BMP5: variants seen among roughly 807,000 people sequenced by gnomAD.
BMP5 encodes the protein bone morphogenetic protein 5.
A neutral mutation model predicts 46.6 loss-of-function variants in BMP5; 23 were observed. The observed-to-expected ratio is 0.49, with a 90% CI of 0.35 to 0.70. BMP5 has a LOEUF of 0.70. BMP5 is among the 30% of genes least tolerant of loss of function. BMP5 has a pLI of 0.00. For missense variants in BMP5, 545 were observed against 565.6 expected (o/e 0.96, Z 0.37); for synonymous variants, 204 against 191.9 (o/e 1.06, Z -0.52).
intron 2 of BMP5, among the ~76,000 whole-genome samples, chr6:55,799,849 G>A (rs1173607515): frequency 1.3e-5 from 2 of 152,138 alleles, no homozygotes; most frequent in Non-Finnish European, 2.9e-5. Flanking sequence ...GGTTTTGTCA[G>A]CCTGTCTCTT....
chr6:55,853,422 A>G (rs1205917462), intron 1 of BMP5, among the ~76,000 whole-genome samples: 7 of 145,898 alleles, frequency 4.8e-5, no homozygotes, highest in Non-Finnish European at 8.9e-5. Context: ...TTAATCTCCT[A>G]TTAACATCAT....
intron 5 of BMP5, among the ~76,000 whole-genome samples, chr6:55,759,777 G>T (rs1047196069): frequency 1.3e-5 from 2 of 151,792 alleles, no homozygotes; most frequent in African/African-American, 4.8e-5. Context: ...TTCCCACAGA[G>T]AAATAAAACT....
intron 4 of BMP5, among the ~76,000 whole-genome samples, chr6:55,764,719 T>TAA (rs530066820): frequency 1.0e-3 from 129 of 124,954 alleles, no homozygotes; most frequent in African/African-American, 2.8e-3. Context: ...ATGTGTAAGC[T>TAA]AAAAAAAAAA....
rs528527934 is a variant in BMP5, at chr6:55,777,269, TA to T, written c.833-3027del. ...GAAACCCAGACTACACCGTATGTAT[TA>T]AAAAAAAAGTAAATTCTTTATAAAA... On this transcript the variant is annotated intron_variant, in intron 3 of 6. Coordinates refer to ENST00000370830, the MANE Select transcript of BMP5 (RefSeq NM_021073.4). Among the ~76,000 whole-genome samples, 353 of 151,090 alleles carry T rather than the reference TA, an allele frequency of 2.3e-3. 1 individual carries two copies. The highest frequency in any genetic ancestry group is 3.8e-3 in the African/African-American group (157 of 41,230).
chr6:55,870,201 G>GA (rs554039115), intron 1 of BMP5, among the ~76,000 whole-genome samples: 7,768 of 110,582 alleles, frequency 0.07, 529 homozygotes, highest in African/African-American at 0.2. Context: ...ACTACAATTT[G>GA]AAAAAAAAAA....
intron 1 of BMP5, among the ~76,000 whole-genome samples, chr6:55,846,400 A>G (rs1582114584): frequency 6.6e-6 from 1 of 152,014 alleles, no homozygotes; most frequent in African/African-American, 2.4e-5. Flanking sequence ...TCTCACTTAC[A>G]TTATTAGAGA....
rs1774567042 is a variant in BMP5 at position 55,755,547 on chromosome 6, A to T, written c.1351T>A (p.Cys451Ser). 6.2e-7 allele frequency: 1 copy of T among 1,610,264 alleles called. No individual in the cohort carries two copies. ...KKYRNMVVRSCGCH is the reference protein window; with the variant it reads ...KKYRNMVVRSSGCH ...ATTATTTAATATTAGTGGCAGCCAC[A>T]TGAGCGTACTACCATATTTCTATAT... Residue 451 changes from cysteine to serine, a missense_variant, in exon 7 of 7, where the codon TGT becomes AGT. Cys to Ser is a moderately radical substitution (Grantham distance 112, BLOSUM62 -1). Transcript: ENST00000370830.
intron 4 of BMP5, among the ~76,000 whole-genome samples, chr6:55,763,208 T>C (rs1774828822): frequency 6.6e-6 from 1 of 152,152 alleles, no homozygotes; most frequent in Non-Finnish European, 1.5e-5. Context: ...AGCACATACA[T>C]GTTTATATGA....
intron 1 of BMP5, among the ~76,000 whole-genome samples, chr6:55,832,682 C>T (rs1776694053): frequency 6.6e-6 from 1 of 152,146 alleles, no homozygotes; most frequent in Admixed American, 6.6e-5. Flanking sequence ...TACCTAACCA[C>T]ATCAATGCCT....
At position 55,760,549 on chromosome 6, in the gene BMP5, A is replaced by G. The variant is rs1774747366; in HGVS notation, c.1028-16T>C. ...GTGTTATAATCTGAAGATAAAAACC[A>G]CATTTTGAATAAATGGTTGCTTACA... On this transcript the variant is annotated splice_polypyrimidine_tract_variant and intron_variant, in intron 4 of 6. Transcript: ENST00000370830. 6.2e-7 allele frequency: 1 copy of G among 1,608,442 alleles called. No individual in the cohort carries two copies.
Position 55,760,356 on chromosome 6 carries a change from C to T in BMP5, c.1104+101G>A, listed in dbSNP as rs1457365181. 3 of 1,016,208 alleles carry T rather than the reference C, an allele frequency of 3.0e-6. No individual in the cohort carries two copies. In the African/African-American group the frequency reaches 4.8e-5, roughly 16 times the overall value. 62.9% of individuals were successfully genotyped at this position (1,016,208 alleles called of 1,614,324 possible). A position where few individuals can be genotyped will look rare whatever the true frequency, so the allele number is the denominator to read the frequency against. ...TATTCTAAATGGTCATGTCAAAAAT[C>T]ATTGGGTATTATATTGGAAAATTAC... On this transcript the variant is annotated intron_variant, in intron 5 of 6. Coordinates refer to ENST00000370830, the MANE Select transcript of BMP5 (RefSeq NM_021073.4).
intron 1 of BMP5, among the ~76,000 whole-genome samples, chr6:55,823,200 C>T (rs1165767615): frequency 6.6e-6 from 1 of 152,030 alleles, no homozygotes. Context: ...TAATGACATC[C>T]TACTGTTCTG....
At chr6:55,808,681 G>A (rs111524904) in intron 2 of BMP5, among the ~76,000 whole-genome samples, 88 of 152,314 alleles carry the variant, frequency 5.8e-4, no homozygotes, top group African/African-American at 2.1e-3. Context: ...TGGATAGCAT[G>A]CTCACTCACC....
chr6:55,773,929 G>T, intron 4 of BMP5, 120 bp downstream of exon 4: 1 of 1,101,332 alleles, frequency 9.1e-7, no homozygotes, highest in Non-Finnish European at 1.4e-6. Context: ...AAACATCACT[G>T]GAAGATTTAA....
At chr6:55,805,707 T>C (rs1009367839) in intron 2 of BMP5, among the ~76,000 whole-genome samples, 1 of 152,182 alleles carries the variant, frequency 6.6e-6, no homozygotes, top group African/African-American at 2.4e-5. Context: ...TTCCTATCTC[T>C]CCACATCCTC....
rs1030847509 is a variant in BMP5, at chr6:55,874,785, T to G, written c.81A>C (p.Gly27=). ...AGTGAACATGATTGTCTCCCAAACC[T>G]CCTTTTGCATAACCCACTAGAACCC... ...SCWVLVGYAK[G]GLGDNHVHSS... Residue 27 remains glycine, a synonymous_variant, in exon 1 of 7, where the codon GGA becomes GGC. Coordinates refer to ENST00000370830, the MANE Select transcript of BMP5 (RefSeq NM_021073.4). 1 of 1,613,272 alleles carries G rather than the reference T, an allele frequency of 6.2e-7. No homozygotes were observed. Among genetic ancestry groups the G allele is most frequent in the Non-Finnish European group, 8.5e-7 (1 of 1,179,616 alleles).
At chr6:55,804,292 A>G (rs1775933173) in intron 2 of BMP5, among the ~76,000 whole-genome samples, 1 of 152,220 alleles carries the variant, frequency 6.6e-6, no homozygotes, top group African/African-American at 2.4e-5. Flanking sequence ...CAGAAGGAAG[A>G]GAGCCACATG....
At chr6:55,770,259 T>C (rs1365981972) in intron 4 of BMP5, among the ~76,000 whole-genome samples, 1 of 151,934 alleles carries the variant, frequency 6.6e-6, no homozygotes, top group Non-Finnish European at 1.5e-5. Flanking sequence ...CTTAGATAGA[T>C]CTCCTGGATA....
chr6:55,775,338 T>C (rs2127521764), intron 3 of BMP5, among the ~76,000 whole-genome samples: 1 of 152,114 alleles, frequency 6.6e-6, no homozygotes, highest in South Asian at 2.1e-4. Context: ...TAGGTATTAA[T>C]AGTATCCTCT....
Sources: allele counts gnomAD v4.1 joint callset (sites outside exome capture counted in the v4.1 genomes callset), GRCh38; gene constraint gnomAD v4.1.1; transcripts MANE v1.5; gene names NCBI Gene and HGNC (gene_info 2026-07-23, HGNC 2026-07-21).